Variants in TBC1D5 observed in about 807,000 individuals in gnomAD.
TBC1D5 encodes TBC1 domain family member 5.
Under a neutral mutation model 100.3 loss-of-function variants are expected in TBC1D5, and 75 were observed. The ratio of observed to expected loss-of-function variants is 0.75; its 90% CI spans 0.62 to 0.91. TBC1D5 has a LOEUF of 0.91. Among genes scored for constraint, TBC1D5 ranks in the 40% least tolerant of loss-of-function variants. The pLI, the probability that TBC1D5 is intolerant of heterozygous loss-of-function variation, is 0.00. For synonymous variants in TBC1D5, 323 were observed against 325.6 expected (o/e 0.99, Z 0.09); for missense variants, 910 against 942.4 (o/e 0.97, Z 0.45).
rs372559517 is a variant in TBC1D5, at chr3:17,404,646, A to G, written c.441+48T>C. On this transcript the variant is annotated intron_variant, in intron 7 of 21. Coordinates refer to ENST00000253692, the Ensembl canonical transcript of TBC1D5. ...GACTGGCAACCAGTCATATAAACAT[A>G]TTCTTAGCAGCAAAAGAGGTTAAGA... 1.4e-4 allele frequency: 211 copies of G among 1,516,472 alleles called. 1 individual carries two copies. The highest frequency in any genetic ancestry group is 1.8e-4 in the Non-Finnish European group (205 of 1,125,568). 93.9% of individuals were successfully genotyped at this position (1,516,472 alleles called of 1,614,324 possible).
chr3:17,663,271 A>AAAATGGT (rs74458425), intron 1 of TBC1D5, among the ~76,000 whole-genome samples: 6 of 151,802 alleles, frequency 4.0e-5, no homozygotes, highest in African/African-American at 2.4e-5. Context: ...ATAAAAATTT[A>AAAATGGT]TATGACCCAA....
At chr3:17,711,548 C>T (rs1004113569) in intron 1 of TBC1D5, among the ~76,000 whole-genome samples, 2 of 152,030 alleles carry the variant, frequency 1.3e-5, no homozygotes, top group Admixed American at 6.6e-5. Flanking sequence ...TATTTATGAA[C>T]AATTAAACAA....
intron 2 of TBC1D5, among the ~76,000 whole-genome samples, chr3:17,570,246 G>A (rs1448015581): frequency 6.6e-6 from 1 of 151,958 alleles, no homozygotes; most frequent in African/African-American, 2.4e-5. Context: ...TAAATTTGAA[G>A]TGTATGGTTT....
intron 2 of TBC1D5, among the ~76,000 whole-genome samples, chr3:17,552,992 C>T (rs148865748): frequency 2.8e-4 from 42 of 152,104 alleles, no homozygotes; most frequent in African/African-American, 9.9e-4. Context: ...TGAAATCCTG[C>T]CTGGGAGACA....
rs1025162858 is a variant in TBC1D5, at chr3:17,463,943, C to CTTTT, written c.98-35428_98-35425dup. On this transcript the variant is annotated intron_variant, in intron 3 of 21. Transcript: ENST00000253692. Reference sequence around the variant, plus strand: ...CAATCAATACTAGCATTCCTTATTCCTTTTTTTTTTTTTTTTTTTTTTTTT... The same window carrying CTTTT: ...CAATCAATACTAGCATTCCTTATTCCTTTTTTTTTTTTTTTTTTTTTTTTTTTTT... 2.0e-3 allele frequency among the ~76,000 whole-genome samples: 176 copies of CTTTT among 87,494 alleles called. 3 individuals carry two copies. The highest frequency in any genetic ancestry group is 3.1e-3 in the African/African-American group (67 of 21,360). 57.4% of individuals were successfully genotyped at this position (87,494 alleles called of 152,430 possible).
intron 16 of TBC1D5, among the ~76,000 whole-genome samples, chr3:17,251,487 T>C (rs1308728879): frequency 7.7e-6 from 1 of 130,306 alleles, no homozygotes; most frequent in Non-Finnish European, 1.6e-5. Flanking sequence ...GGCACACATA[T>C]GGAAAGCAGG....
At chr3:17,575,007 C>A (rs1296062691) in intron 2 of TBC1D5, among the ~76,000 whole-genome samples, 1 of 151,980 alleles carries the variant, frequency 6.6e-6, no homozygotes, top group Non-Finnish European at 1.5e-5. Flanking sequence ...TTCCATATTT[C>A]TCATATTTAA....
At chr3:17,619,475 A>G (rs1211844388) in intron 2 of TBC1D5, among the ~76,000 whole-genome samples, 2 of 152,262 alleles carry the variant, frequency 1.3e-5, no homozygotes, top group Non-Finnish European at 2.9e-5. Flanking sequence ...TACAGATAGA[A>G]ATCTAATATC....
chr3:17,479,611 G>A (rs1327774943), intron 3 of TBC1D5, among the ~76,000 whole-genome samples: 3 of 152,150 alleles, frequency 2.0e-5, no homozygotes, highest in East Asian at 1.9e-4. Context: ...TTAGTAGTCC[G>A]ACATGGATGG....
chr3:17,644,573 C>T (rs574307221), intron 1 of TBC1D5, among the ~76,000 whole-genome samples: 7 of 152,086 alleles, frequency 4.6e-5, no homozygotes, highest in Non-Finnish European at 1.0e-4. Flanking sequence ...ACTTCCACTG[C>T]AGGCTACAAA....
chr3:17,358,182 G>GTTTGTTTTTGTT (rs369884044), intron 13 of TBC1D5, among the ~76,000 whole-genome samples: 1 of 151,150 alleles, frequency 6.6e-6, no homozygotes. Context: ...TTTTTTGTTT[G>GTTTGTTTTTGTT]TTTGTTTTTG....
Position 17,466,326 on chromosome 3 carries a change from G to T in TBC1D5, c.98-37807C>A, listed in dbSNP as rs150703702. On this transcript the variant is annotated intron_variant, in intron 3 of 21. Coordinates refer to ENST00000253692, the Ensembl canonical transcript of TBC1D5. ...GTGAGCTTCTGCTATGTGCCTAGAT[G>T]AAATGCACAGCCTCTGCTTTCAAAG... is the stretch of plus-strand genomic sequence containing the variant. 3.5e-3 allele frequency among the ~76,000 whole-genome samples: 532 copies of T among 152,260 alleles called. 3 individuals are homozygous for T. The highest frequency in any genetic ancestry group is 0.012 in the African/African-American group (517 of 41,530).
rs559028081 is a variant in TBC1D5, at chr3:17,527,751, A to G, written c.-35-19146T>C. On this transcript the variant is annotated intron_variant, in intron 2 of 21. Coordinates refer to ENST00000253692, the Ensembl canonical transcript of TBC1D5. The stretch of plus-strand genomic sequence containing the variant: ...AGAAACCAAAAAACTTAGTAAAAGA[A>G]GGTAAACCAAGTAACATAAATGGGC... Among the ~76,000 whole-genome samples, 32 of 152,334 alleles carry G rather than the reference A, an allele frequency of 2.1e-4. No individual in the cohort carries two copies. In the East Asian group the frequency reaches 6.2e-3, roughly 29 times the overall value.
chr3:17,394,575 G>A (rs758843597), intron 8 of TBC1D5, among the ~76,000 whole-genome samples: 7 of 151,952 alleles, frequency 4.6e-5, no homozygotes, highest in Non-Finnish European at 1.0e-4. Flanking sequence ...GAAAATCTAG[G>A]AGAATAAAAA....
At chr3:17,694,941 T>C (rs955805595) in intron 1 of TBC1D5, among the ~76,000 whole-genome samples, 1 of 152,164 alleles carries the variant, frequency 6.6e-6, no homozygotes, top group Non-Finnish European at 1.5e-5. Context: ...GGGGCCAATA[T>C]TCAACATTCT....
At chr3:17,568,114 T>C (rs1295130601) in intron 2 of TBC1D5, among the ~76,000 whole-genome samples, 1 of 151,574 alleles carries the variant, frequency 6.6e-6, no homozygotes, top group Non-Finnish European at 1.5e-5. Flanking sequence ...TCCTACCTTT[T>C]TCATTTGTTT....
chr3:17,452,806 A>G (rs1322832695), intron 3 of TBC1D5, among the ~76,000 whole-genome samples: 1 of 152,138 alleles, frequency 6.6e-6, no homozygotes, highest in African/African-American at 2.4e-5. Context: ...GCAAAATAGA[A>G]CAAATGGACT....
chr3:17,606,117 T>C lies in TBC1D5; in HGVS notation c.-36+17732A>G, dbSNP rs115239841. On this transcript the variant is annotated intron_variant, in intron 2 of 21. Transcript: ENST00000253692. ...GTCAATCAGAAGCTCCTGAGAAGAG[T>C]CTAATTTTTACCAAAAATATTTTCA... Among the ~76,000 whole-genome samples, 313 of 151,976 alleles carry C rather than the reference T, an allele frequency of 2.1e-3. 1 individual carries two copies. The highest frequency in any genetic ancestry group is 2.8e-3 in the Non-Finnish European group (192 of 67,952).
intron 2 of TBC1D5, among the ~76,000 whole-genome samples, chr3:17,510,554 G>A (rs534419374): frequency 6.6e-6 from 1 of 152,110 alleles, no homozygotes; most frequent in African/African-American, 2.4e-5. Context: ...GAGCACTGCT[G>A]TATAGAAGAA....
Sources: gnomAD v4.1 joint callset for allele counts (sites outside exome capture counted in the v4.1 genomes callset) on GRCh38, gnomAD v4.1.1 for gene constraint, MANE v1.5 for transcripts, NCBI Gene and HGNC (gene_info 2026-07-23, HGNC 2026-07-21) for gene names.